Variants in TRPA1 observed in about 807,000 individuals in gnomAD.
TRPA1 encodes ankyrin-like with transmembrane domains 1.
TRPA1 carries 129 observed loss-of-function variants against 131.3 expected under a neutral mutation model. The observed-to-expected ratio is 0.98, with a 90% CI of 0.85 to 1.14. TRPA1 has a LOEUF of 1.14. Ranked by LOEUF, TRPA1 falls within the 50% of genes most tolerant of loss-of-function variation. TRPA1 has a pLI of 0.00. For missense variants in TRPA1, 1,304 were observed against 1,354.2 expected (o/e 0.96, Z 0.58); for synonymous variants, 441 against 451.7 (o/e 0.98, Z 0.30).
the TRPA1 span, among the ~76,000 whole-genome samples, chr8:72,087,433 C>T: frequency 6.6e-6 from 1 of 152,124 alleles, no homozygotes; most frequent in Admixed American, 6.5e-5. Flanking sequence ...TCTAGCTGAA[C>T]ATATAGATGC....
At chr8:72,057,338 A>T (rs142922166) in intron 9 of TRPA1, among the ~76,000 whole-genome samples, 1 of 152,296 alleles carries the variant, frequency 6.6e-6, no homozygotes, top group African/African-American at 2.4e-5. Flanking sequence ...GCAGAGAAGG[A>T]CACCTCGCTC....
chr8:72,033,179 G>T (rs1367590406), intron 23 of TRPA1, among the ~76,000 whole-genome samples: 1 of 152,196 alleles, frequency 6.6e-6, no homozygotes, highest in African/African-American at 2.4e-5. Context: ...ATAGAGATAT[G>T]TTCCATAAAG....
chr8:72,061,752 A>C lies in TRPA1; in HGVS notation c.817T>G (p.Cys273Gly). ...GTGGCAGCAAAATGAATGGCTGTGCACCTTCCCTTCTGTAAAGGGTTTTAA... is the reference window on the plus strand; with the variant it reads ...GTGGCAGCAAAATGAATGGCTGTGCCCCTTCCCTTCTGTAAAGGGTTTTAA... Reference protein sequence around the residue: ...AQIDPVEKGRCTAIHFAATQG... With the variant: ...AQIDPVEKGRGTAIHFAATQG... The change falls in exon 7 of 27, where the codon TGC becomes GGC. Residue 273 changes from cysteine (C) to glycine (G), a missense_variant. By Grantham distance (159) the Cys-to-Gly change is radical. Coordinates refer to ENST00000262209, the MANE Select transcript of TRPA1 (RefSeq NM_007332.3). 6.2e-7 allele frequency: 1 copy of C among 1,613,990 alleles called. No individual in the cohort carries two copies.
At chr8:72,065,921 A>G (rs1373802719) in intron 3 of TRPA1, among the ~76,000 whole-genome samples, 1 of 152,186 alleles carries the variant, frequency 6.6e-6, no homozygotes, top group Non-Finnish European at 1.5e-5. Flanking sequence ...GAGCCATTAG[A>G]AAGTGCTCAT....
At position 72,048,858 on chromosome 8, in the gene TRPA1, T is replaced by A. The variant is rs148053359; in HGVS notation, c.1906-1651A>T. Among the ~76,000 whole-genome samples, 915 of 152,318 alleles carry A rather than the reference T, an allele frequency of 6.0e-3. 14 individuals are homozygous for A. Among genetic ancestry groups the A allele is most frequent in the African/African-American group, 0.02 (843 of 41,580 alleles). The stretch of plus-strand genomic sequence containing the variant: ...AATTCTTATTAACATTTTGGTATAA[T>A]TTCGACTGTTTACTATGTTTCCACA... On this transcript the variant is annotated intron_variant, in intron 15 of 26. Coordinates refer to ENST00000262209, the MANE Select transcript of TRPA1 (RefSeq NM_007332.3).
intron 10 of TRPA1, chr8:72,056,157 T>A (rs1386828016): frequency 2.5e-6 from 1 of 402,400 alleles, no homozygotes. Context: ...ATATATTTGA[T>A]CATGGCCCTT....
chr8:72,084,017 G>A, the TRPA1 span, among the ~76,000 whole-genome samples: 1 of 152,168 alleles, frequency 6.6e-6, no homozygotes, highest in Non-Finnish European at 1.5e-5. Flanking sequence ...TAGTCACAGA[G>A]ATGAAAGTTG....
At chr8:72,066,426 T>A (rs992194161) in intron 3 of TRPA1, among the ~76,000 whole-genome samples, 8 of 152,226 alleles carry the variant, frequency 5.3e-5, no homozygotes, top group Admixed American at 3.3e-4. Flanking sequence ...AATTAAATAA[T>A]GTTAAAAGAA....
chr8:72,051,684 A>G (rs1805512438), intron 14 of TRPA1, among the ~76,000 whole-genome samples: 1 of 152,206 alleles, frequency 6.6e-6, no homozygotes. Context: ...TGTGTCCACT[A>G]CTAGGTGACA....
At chr8:72,050,744 A>C in intron 15 of TRPA1, 34 bp downstream of exon 15, 4 of 1,376,194 alleles carry the variant, frequency 2.9e-6, no homozygotes, top group South Asian at 1.2e-5. Flanking sequence ...TGTCAAGCAT[A>C]AACCCGGGAA....
At chr8:72,036,855 A>G (rs913087577) in intron 20 of TRPA1, among the ~76,000 whole-genome samples, 2 of 152,210 alleles carry the variant, frequency 1.3e-5, no homozygotes, top group Non-Finnish European at 2.9e-5. Flanking sequence ...TGTTTCTAAA[A>G]AGGTTTGGGA....
intron 2 of TRPA1, among the ~76,000 whole-genome samples, chr8:72,071,458 C>T (rs192071776): frequency 2.0e-5 from 3 of 152,302 alleles, no homozygotes; most frequent in Admixed American, 6.5e-5. Flanking sequence ...TGCATTCTTA[C>T]AATCTACCTA....
At chr8:72,055,942 C>A (rs746175598) in intron 10 of TRPA1, 87 bp from the exon 11 acceptor site, 38 of 1,367,086 alleles carry the variant, frequency 2.8e-5, no homozygotes, top group Non-Finnish European at 3.5e-5. Context: ...AAAATATTTT[C>A]CAACAAGGGT....
chr8:72,035,109 G>A (rs896725963), intron 21 of TRPA1, among the ~76,000 whole-genome samples: 1 of 152,140 alleles, frequency 6.6e-6, no homozygotes, highest in Non-Finnish European at 1.5e-5. Context: ...ATCCTATATT[G>A]TGAAATGTTT....
At chr8:72,038,236 A>G (rs1241738791) in intron 19 of TRPA1, among the ~76,000 whole-genome samples, 164 bp from the exon 20 acceptor site, 1 of 151,920 alleles carries the variant, frequency 6.6e-6, no homozygotes, top group African/African-American at 2.4e-5. Flanking sequence ...CAATACTCAT[A>G]TAATTTACTA....
intron 10 of TRPA1, 138 bp downstream of exon 10, chr8:72,056,779 A>G: frequency 1.4e-6 from 1 of 694,496 alleles, no homozygotes; most frequent in South Asian, 1.8e-5. Context: ...CTAAATAGTC[A>G]AATATGTCAT....
chr8:72,056,648 A>C (rs566103153), intron 10 of TRPA1, among the ~76,000 whole-genome samples: 25 of 152,110 alleles, frequency 1.6e-4, no homozygotes, highest in Non-Finnish European at 3.1e-4. Context: ...CTAATTAAGG[A>C]TGTTATCTTT....
intron 13 of TRPA1, chr8:72,052,983 G>A (rs2129435238): frequency 2.4e-6 from 1 of 408,474 alleles, no homozygotes; most frequent in African/African-American, 2.3e-5. Flanking sequence ...GTGTGTGTGT[G>A]TGTGTGTGTG....
At chr8:72,055,297 T>C (rs1805634062) in intron 12 of TRPA1, 139 bp downstream of exon 12, 5 of 723,232 alleles carry the variant, frequency 6.9e-6, no homozygotes, top group Non-Finnish European at 9.3e-6. Context: ...GTTACATATG[T>C]TTTGATGAAA....
Sources: gnomAD v4.1 joint callset for allele counts (sites outside exome capture counted in the v4.1 genomes callset) on GRCh38, gnomAD v4.1.1 for gene constraint, MANE v1.5 for transcripts, NCBI Gene and HGNC (gene_info 2026-07-23, HGNC 2026-07-21) for gene names.